The following OR3A2 variants were observed in gnomAD, a reference collection of about 807,000 sequenced individuals.
OR3A2 encodes the protein olfactory receptor family 3 subfamily A member 2, also known as olfactory receptor 3A2.
For synonymous variants in OR3A2, 126 were observed against 159.3 expected (o/e 0.79, Z 1.57); for missense variants, 318 against 392.8 (o/e 0.81, Z 1.61).
rs368690309 is a variant in OR3A2 at position 3,281,629 on chromosome 17, TC to T, written c.-6-2707del. On this transcript the variant is annotated intron_variant, in intron 1 of 1. Transcript: ENST00000642052. The stretch of plus-strand genomic sequence containing the variant: ...CGACTAGCTCTTTCTTGCCACCCCC[TC>T]AAATTAAGAGTTTTGTTTGTTTGTT... Among the ~76,000 whole-genome samples, 1,063 of 142,658 alleles carry T rather than the reference TC, an allele frequency of 7.5e-3. 5 individuals carry two copies. Among genetic ancestry groups the T allele is most frequent in the Middle Eastern group, 0.017 (5 of 292 alleles). 93.6% of individuals were successfully genotyped at this position (142,658 alleles called of 152,430 possible). A position where few individuals can be genotyped will look rare whatever the true frequency, so the allele number is the denominator to read the frequency against.
At chr17:3,288,928 C>T (rs186013475), upstream of OR3A2, among the ~76,000 whole-genome samples, 1 of 152,198 alleles carries the variant, frequency 6.6e-6, no homozygotes, top group African/African-American at 2.4e-5. Flanking sequence ...AACTAAATTA[C>T]ATCAATGGGG....
chr17:3,383,328 G>T (rs2049754212), intron 2 of OR3A2, among the ~76,000 whole-genome samples: 1 of 152,198 alleles, frequency 6.6e-6, no homozygotes, highest in Admixed American at 6.5e-5. Context: ...TCAGGGAACA[G>T]AGAGAAACCA....
chr17:3,277,789 A>G lies in OR3A2; in HGVS notation c.*181T>C, dbSNP rs151045779. 1.1e-3 allele frequency: 743 copies of G among 660,622 alleles called. 7 individuals are homozygous for G. In the African/African-American group the frequency reaches 0.011, roughly 10 times the overall value. 40.9% of individuals were successfully genotyped at this position (660,622 alleles called of 1,614,324 possible). A position where few individuals can be genotyped will look rare whatever the true frequency, so the allele number is the denominator to read the frequency against. On this transcript the variant is annotated 3_prime_UTR_variant, in exon 2 of 2. Transcript: ENST00000642052. The stretch of plus-strand genomic sequence containing the variant: ...CTGTCCAGATCATAGAGGTACTCTA[A>G]TAAGTATTTGTTGAATGAATAAATT...
At chr17:3,280,493 C>T (rs1243084727) in intron 1 of OR3A2, among the ~76,000 whole-genome samples, 5 of 152,078 alleles carry the variant, frequency 3.3e-5, no homozygotes, top group East Asian at 1.9e-4. Context: ...AGGATGGTCT[C>T]GATCTCCTGA....
At chr17:3,368,085 G>A (rs1273799618) in intron 2 of OR3A2, among the ~76,000 whole-genome samples, 1 of 151,880 alleles carries the variant, frequency 6.6e-6, no homozygotes, top group African/African-American at 2.4e-5. Context: ...TGATGGAATT[G>A]TTTTTTTCTT....
At chr17:3,347,692 C>T (rs1447772963) in intron 2 of OR3A2, among the ~76,000 whole-genome samples, 1 of 152,172 alleles carries the variant, frequency 6.6e-6, no homozygotes, top group Non-Finnish European at 1.5e-5. Context: ...GTGAATAATG[C>T]CGCAATAAAC....
intron 2 of OR3A2, among the ~76,000 whole-genome samples, chr17:3,345,446 CAGAG>C (rs1056753543): frequency 1.7e-5 from 2 of 115,456 alleles, no homozygotes; most frequent in African/African-American, 3.7e-5. Flanking sequence ...GAGATAGAGA[CAGAG>C]AGAGAGACCA....
chr17:3,318,210 G>C (rs182217067), intron 3 of OR3A2, among the ~76,000 whole-genome samples: 3 of 152,278 alleles, frequency 2.0e-5, no homozygotes, highest in Non-Finnish European at 4.4e-5. Flanking sequence ...ATGCAGCCTA[G>C]GTGCTGAGGG....
intron 3 of OR3A2, among the ~76,000 whole-genome samples, chr17:3,322,319 A>T (rs1305766708): frequency 6.6e-6 from 1 of 151,914 alleles, no homozygotes; most frequent in Non-Finnish European, 1.5e-5. Flanking sequence ...TTTTCAAAAA[A>T]CCACTCCTGG....
At chr17:3,329,062 C>A (rs918763496) in intron 3 of OR3A2, among the ~76,000 whole-genome samples, 8 of 151,072 alleles carry the variant, frequency 5.3e-5, no homozygotes, top group African/African-American at 2.0e-4. Context: ...GGATGAAGCC[C>A]ACTTGATCAT....
intron 2 of OR3A2, among the ~76,000 whole-genome samples, chr17:3,357,751 C>T (rs1567566616): frequency 6.6e-6 from 1 of 151,512 alleles, no homozygotes; most frequent in Non-Finnish European, 1.5e-5. Flanking sequence ...CAGGGTCTTG[C>T]TATGATGCCC....
chr17:3,326,717 C>T (rs894942402), intron 3 of OR3A2, among the ~76,000 whole-genome samples: 1 of 118,966 alleles, frequency 8.4e-6, no homozygotes, highest in Non-Finnish European at 1.7e-5. Context: ...CCCCACTCCA[C>T]CACAGTCCCC....
At chr17:3,385,773 T>G (rs1462742575) in intron 1 of OR3A2, among the ~76,000 whole-genome samples, 2 of 152,104 alleles carry the variant, frequency 1.3e-5, no homozygotes, top group Non-Finnish European at 2.9e-5. Flanking sequence ...GCAACGTGAT[T>G]TTCAATCCAT....
At chr17:3,359,307 C>T (rs2049489713) in intron 2 of OR3A2, among the ~76,000 whole-genome samples, 1 of 151,614 alleles carries the variant, frequency 6.6e-6, no homozygotes, top group Admixed American at 6.6e-5. Flanking sequence ...GGATTTGATC[C>T]TGTCATTGTG....
chr17:3,327,089 T>C lies in OR3A2; in HGVS notation c.-85+8944A>G, dbSNP rs1348557659. ...TATACCCAGTCATGGGATGGCTGGG[T>C]CAAATGGTATTTCTAGTTCTAGATC... On this transcript the variant is annotated intron_variant, in intron 3 of 4. Coordinates refer to the OR3A2 transcript ENST00000573491. Among the ~76,000 whole-genome samples, 3 of 77,750 alleles carry C rather than the reference T, an allele frequency of 3.9e-5. 1 individual carries two copies. Among genetic ancestry groups the C allele is most frequent in the Non-Finnish European group, 6.5e-5 (3 of 46,374 alleles). 51.0% of individuals were successfully genotyped at this position (77,750 alleles called of 152,430 possible).
chr17:3,356,658 G>A (rs1375724714), intron 2 of OR3A2, among the ~76,000 whole-genome samples: 1 of 151,440 alleles, frequency 6.6e-6, no homozygotes, highest in East Asian at 1.9e-4. Context: ...GTAATTAGTA[G>A]CAGACAAACC....
chr17:3,325,062 A>AT (rs895621940), intron 3 of OR3A2, among the ~76,000 whole-genome samples: 10 of 150,940 alleles, frequency 6.6e-5, no homozygotes, highest in South Asian at 2.1e-4. Flanking sequence ...ATTGTCATCT[A>AT]TTTTTTTTAC....
chr17:3,331,762 C>T (rs1305105672), intron 3 of OR3A2, among the ~76,000 whole-genome samples: 2 of 152,072 alleles, frequency 1.3e-5, no homozygotes, highest in Admixed American at 6.5e-5. Flanking sequence ...TGGTGAGGAA[C>T]TGCATTCCTT....
At chr17:3,383,201 G>A (rs544490952) in intron 2 of OR3A2, among the ~76,000 whole-genome samples, 2 of 152,332 alleles carry the variant, frequency 1.3e-5, no homozygotes, top group Admixed American at 6.5e-5. Context: ...GTAGCTCTGA[G>A]GCCAAAATTG....
Sources: gnomAD v4.1 joint callset for allele counts (sites outside exome capture counted in the v4.1 genomes callset) on GRCh38, gnomAD v4.1.1 for gene constraint, MANE v1.5 for transcripts, NCBI Gene and HGNC (gene_info 2026-07-23, HGNC 2026-07-21) for gene names.